PC: variants seen among roughly 807,000 people sequenced by gnomAD.
The protein encoded by PC is pyruvate carboxylase, mitochondrial.
A neutral mutation model predicts 107.8 loss-of-function variants in PC; 46 were observed. That is an observed-to-expected ratio of 0.43 (90% CI 0.34 to 0.55). PC has a LOEUF of 0.55. PC is among the 20% of genes least tolerant of loss of function. The probability of loss-of-function intolerance (pLI) is 0.04; values close to 1 mark genes in which losing one functional copy is unlikely to be tolerated. For synonymous variants in PC, 662 were observed against 684.7 expected (o/e 0.97, Z 0.52); for missense variants, 1,241 against 1,643.1 (o/e 0.76, Z 4.23).
intron 3 of PC, among the ~76,000 whole-genome samples, chr11:66,895,950 T>G (rs936093054): frequency 2.6e-5 from 4 of 151,824 alleles, no homozygotes; most frequent in Non-Finnish European, 4.4e-5. Context: ...CAAAGGAGGG[T>G]AAAAAGAAAA....
At chr11:66,931,648 C>T (rs948987080) in intron 3 of PC, among the ~76,000 whole-genome samples, 3 of 151,786 alleles carry the variant, frequency 2.0e-5, no homozygotes, top group Admixed American at 6.6e-5. Flanking sequence ...GTGCTGACAT[C>T]GGACGATTTC....
chr11:66,894,408 G>A (rs1406604904), intron 3 of PC, among the ~76,000 whole-genome samples: 1 of 152,164 alleles, frequency 6.6e-6, no homozygotes, highest in African/African-American at 2.4e-5. Flanking sequence ...TCCTGCTCCT[G>A]TCTCAGGTAT....
rs1312015523 is a variant in PC, at chr11:66,927,261, T to TTAATTAAGTCAAGTCC, written c.-1+25168_-1+25169insGGACTTGACTTAATTA. 4.8e-3 allele frequency among the ~76,000 whole-genome samples: 707 copies of TTAATTAAGTCAAGTCC among 146,292 alleles called. 5 individuals carry two copies. The highest frequency in any genetic ancestry group is 0.017 in the African/African-American group (669 of 39,434). On this transcript the variant is annotated intron_variant, in intron 3 of 22. Transcript: ENST00000393960. ...CCAGGCTGGCCTCCCCTAGTCATGCTTTAATTAGTCAAGGACTTGAACTCA... is the reference window on the plus strand; with the variant it reads ...CCAGGCTGGCCTCCCCTAGTCATGCTTAATTAAGTCAAGTCCTTAATTAGTCAAGGACTTGAACTCA...
intron 3 of PC, among the ~76,000 whole-genome samples, chr11:66,916,726 G>C (rs377068269): frequency 6.6e-6 from 1 of 152,032 alleles, no homozygotes; most frequent in Non-Finnish European, 1.5e-5. Context: ...AGGCCGAGGC[G>C]TGCGGATCAC....
chr11:66,860,984 C>A (rs1481154529), intron 12 of PC, among the ~76,000 whole-genome samples: 4 of 152,186 alleles, frequency 2.6e-5, no homozygotes, highest in Non-Finnish European at 5.9e-5. Flanking sequence ...TGGTAAAACG[C>A]CATCCCAAAG....
At position 66,887,015 on chromosome 11, in the gene PC, G is replaced by A. The variant is rs1947393936; in HGVS notation, c.1-14856C>T. Among the ~76,000 whole-genome samples, 3 of 152,346 alleles carry A rather than the reference G, an allele frequency of 2.0e-5. No homozygotes were observed. In the South Asian group the frequency reaches 6.2e-4, roughly 32 times the overall value. ...AGCCCCGGCCATCAGGGCTGGCCCA[G>A]GAGGTGAGGCATCACATGGCTGTTG... is the stretch of plus-strand genomic sequence containing the variant. On this transcript the variant is annotated intron_variant, in intron 3 of 22. Coordinates refer to ENST00000393960, the MANE Select transcript of PC (RefSeq NM_001040716.2).
At chr11:66,855,823 C>T (rs1945774326) in intron 12 of PC, among the ~76,000 whole-genome samples, 1 of 152,244 alleles carries the variant, frequency 6.6e-6, no homozygotes, top group African/African-American at 2.4e-5. Flanking sequence ...CCATCCAACT[C>T]TCCTGGCCTA....
At chr11:66,891,636 C>G (rs1947580994) in intron 3 of PC, among the ~76,000 whole-genome samples, 1 of 152,196 alleles carries the variant, frequency 6.6e-6, no homozygotes, top group Non-Finnish European at 1.5e-5. Context: ...AGGTGATCCA[C>G]CCACCTCAGC....
rs748009590 is a variant in PC, at chr11:66,850,264, T to C, written c.2674A>G (p.Lys892Glu). ...GLGSKFKEVK[K>E]AYVEANQMLG... ...ATCTGGTTGGCCTCCACATAGGCCT[T>C]CTTGACCTCCTTGAACTTGGAGCCA... The change falls in exon 19 of 23, where the codon AAG becomes GAG. Residue 892 changes from lysine (K) to glutamate (E), a missense_variant. By Grantham distance (56) the Lys-to-Glu change is moderately conservative (BLOSUM62 1). Around this residue, in one of 2 missense-constraint regions of PC, gnomAD observed 1,143 missense variants for 1,551.9 expected, o/e 0.74. Coordinates refer to ENST00000393960, the MANE Select transcript of PC (RefSeq NM_001040716.2). 3.7e-6 allele frequency: 6 copies of C among 1,614,112 alleles called. No homozygotes were observed. Among genetic ancestry groups the C allele is most frequent in the Non-Finnish European group, 4.2e-6 (5 of 1,180,020 alleles).
Position 66,870,470 on chromosome 11 carries a change from A to G in PC, c.752-17T>C, listed in dbSNP as rs1475300236. On this transcript the variant is annotated splice_polypyrimidine_tract_variant and intron_variant, in intron 8 of 22. Transcript: ENST00000393960. The surrounding 1 kb of genome is among the most constrained non-coding windows in gnomAD (Gnocchi z 6.1). ...ACTGGTCCCCTGGGGAGGGAGGTAA[A>G]CTGGGCTTAGCTTTTACTGGAATCT... 6.2e-7 allele frequency: 1 copy of G among 1,611,450 alleles called. No individual in the cohort carries two copies. The highest frequency in any genetic ancestry group is 1.3e-5 in the African/African-American group (1 of 74,662).
At position 66,866,661 on chromosome 11, in the gene PC, C is replaced by T. The variant is rs1160711301; in HGVS notation, c.1023-312G>A. 6.6e-6 allele frequency among the ~76,000 whole-genome samples: 1 copy of T among 152,234 alleles called. No homozygotes were observed. The highest frequency in any genetic ancestry group is 1.5e-5 in the Non-Finnish European group (1 of 68,040). On this transcript the variant is annotated intron_variant, in intron 10 of 22. Transcript: ENST00000393960. This position sits in a 1 kb window ranked among gnomAD's most constrained non-coding sequence, Gnocchi z 5.4. Reference sequence around the variant, plus strand: ...CCACACAGCCCTAAGCTGCTCCTCCCTGTACTCTGCCTCCTCCTTCCTTGA... The same window carrying T: ...CCACACAGCCCTAAGCTGCTCCTCCTTGTACTCTGCCTCCTCCTTCCTTGA...
At chr11:66,940,341 C>G (rs1320441658) in intron 3 of PC, among the ~76,000 whole-genome samples, 1 of 151,834 alleles carries the variant, frequency 6.6e-6, no homozygotes, top group Non-Finnish European at 1.5e-5. Flanking sequence ...TGGGACCACA[C>G]CCGGCCCCTC....
At chr11:66,910,643 T>C (rs1250358422) in intron 3 of PC, among the ~76,000 whole-genome samples, 5 of 152,100 alleles carry the variant, frequency 3.3e-5, no homozygotes, top group East Asian at 1.9e-4. Context: ...CCAGAGTTAA[T>C]TGTCAAAGAA....
chr11:66,884,304 T>G (rs11227616), intron 3 of PC, among the ~76,000 whole-genome samples: 5 of 151,700 alleles, frequency 3.3e-5, no homozygotes, highest in African/African-American at 1.2e-4. Flanking sequence ...CTCAGCTGCT[T>G]GGAAGCCTGA....
intron 3 of PC, among the ~76,000 whole-genome samples, chr11:66,883,522 C>T (rs920687159): frequency 6.6e-6 from 1 of 152,178 alleles, no homozygotes; most frequent in Non-Finnish European, 1.5e-5. Context: ...CCCCACCCAT[C>T]GTCCTGCTCA....
At chr11:66,940,770 T>C (rs1476170021) in intron 3 of PC, among the ~76,000 whole-genome samples, 1 of 151,570 alleles carries the variant, frequency 6.6e-6, no homozygotes, top group Admixed American at 6.6e-5. Flanking sequence ...ATAGAAGATA[T>C]ACAAATGGCC....
In PC at chr11:66,851,153, T is replaced by A; in HGVS notation, c.2110A>T (p.Ile704Phe). 1.9e-6 allele frequency: 3 copies of A among 1,612,574 alleles called. No individual in the cohort carries two copies. The highest frequency in any genetic ancestry group is 2.5e-6 in the Non-Finnish European group (3 of 1,180,020). Residue 704 changes from isoleucine (I) to phenylalanine (F), a missense_variant, in exon 17 of 23, where the codon ATC becomes TTC. By Grantham distance (21) the Ile-to-Phe change is conservative. Around this residue, in one of 2 missense-constraint regions of PC, gnomAD observed 1,143 missense variants for 1,551.9 expected, o/e 0.74. Transcript: ENST00000393960. The part of the protein sequence containing the change: ...GSAGGVVEAA[I>F]SYTGDVADPS... ...TCGGCCACGTCGCCCGTGTATGAGATGGCAGCCTCCACCACGCCTCCGGCA... is the reference window on the plus strand; with the variant it reads ...TCGGCCACGTCGCCCGTGTATGAGAAGGCAGCCTCCACCACGCCTCCGGCA...
intron 12 of PC, chr11:66,859,583 G>A (rs1215410659): frequency 3.1e-6 from 5 of 1,605,584 alleles, no homozygotes; most frequent in African/African-American, 2.7e-5. Context: ...GTGGGGAGGT[G>A]AGGATGGGGC....
At chr11:66,867,111 C>A (rs1235331782) in intron 10 of PC, among the ~76,000 whole-genome samples, 4 of 152,222 alleles carry the variant, frequency 2.6e-5, no homozygotes, top group African/African-American at 9.6e-5. Context: ...CCAGGCTGGG[C>A]ACAGCAGGTC....
Sources: gnomAD v4.1 joint callset for allele counts (sites outside exome capture counted in the v4.1 genomes callset) on GRCh38, gnomAD v4.1.1 for gene constraint, gnomAD v4.1.1 regional missense constraint, Gnocchi (gnomAD v3.1) non-coding constraint, MANE v1.5 for transcripts, NCBI Gene and HGNC (gene_info 2026-07-23, HGNC 2026-07-21) for gene names.